Variants in TMEM132D observed in about 807,000 individuals in gnomAD.
TMEM132D encodes the protein transmembrane protein 132D.
In TMEM132D, 21 loss-of-function variants were observed where a neutral mutation model predicts 62.3. That is an observed-to-expected ratio of 0.34 (90% CI 0.24 to 0.49). TMEM132D has a LOEUF of 0.49. Ranked by LOEUF, TMEM132D falls within the 20% of genes least tolerant of loss-of-function variation. The pLI is 0.99. For synonymous variants in TMEM132D, 621 were observed against 575.6 expected, an observed-to-expected ratio of 1.08 and a Z score of -1.13; for missense variants, 1,346 against 1,402.8, an observed-to-expected ratio of 0.96 and a Z score of 0.65.
At chr12:129,217,001 G>A (rs931157028) in intron 4 of TMEM132D, among the ~76,000 whole-genome samples, 1 of 152,182 alleles carries the variant, frequency 6.6e-6, no homozygotes, top group East Asian at 1.9e-4. Context: ...ATTTTTTGTT[G>A]TTGTTGTTGT....
chr12:129,625,323 C>T (rs75328595), intron 2 of TMEM132D, among the ~76,000 whole-genome samples: 2,473 of 152,282 alleles, frequency 0.016, 64 homozygotes, highest in African/African-American at 0.056. Flanking sequence ...AAGAAAAAGA[C>T]ACAAAACCTA....
chr12:129,608,266 C>G (rs563932176), intron 2 of TMEM132D, among the ~76,000 whole-genome samples: 2 of 152,270 alleles, frequency 1.3e-5, no homozygotes, highest in East Asian at 3.9e-4. Flanking sequence ...TATCAAAATA[C>G]CAACTTTTCT....
At chr12:129,458,376 G>T (rs976294078) in intron 3 of TMEM132D, among the ~76,000 whole-genome samples, 3 of 149,302 alleles carry the variant, frequency 2.0e-5, no homozygotes, top group Non-Finnish European at 4.4e-5. Flanking sequence ...GCTAGCATTT[G>T]CCTATATCAG....
chr12:129,870,485 C>T (rs937682364), intron 1 of TMEM132D, among the ~76,000 whole-genome samples: 1 of 152,168 alleles, frequency 6.6e-6, no homozygotes, highest in African/African-American at 2.4e-5. Context: ...AGCAGAGCTT[C>T]CTGGTGGTGA....
rs575602076 is a variant in TMEM132D at position 129,421,618 on chromosome 12, C to G, written c.1116-83801G>C. ...TAAGAAACCTGAATCAATAGATTTT[C>G]TACTAGCAGCCCTGATGTCCTAATG... On this transcript the variant is annotated intron_variant, in intron 3 of 8. Coordinates refer to ENST00000422113, the MANE Select transcript of TMEM132D (RefSeq NM_133448.3). Among the ~76,000 whole-genome samples, 89 of 152,326 alleles carry G rather than the reference C, an allele frequency of 5.8e-4. 1 individual carries two copies. The highest frequency in any genetic ancestry group is 2.0e-3 in the African/African-American group (85 of 41,582).
intron 4 of TMEM132D, among the ~76,000 whole-genome samples, chr12:129,279,498 A>G (rs763428659): frequency 9.9e-5 from 15 of 152,196 alleles, no homozygotes; most frequent in Non-Finnish European, 1.6e-4. Flanking sequence ...AAGTAAAAAT[A>G]TCGCTCTTCT....
intron 5 of TMEM132D, among the ~76,000 whole-genome samples, chr12:129,166,193 C>T (rs558910438): frequency 2.6e-5 from 4 of 152,284 alleles, no homozygotes; most frequent in African/African-American, 7.2e-5. Flanking sequence ...AAATAAGTAA[C>T]GTGGGCTCTA....
intron 2 of TMEM132D, among the ~76,000 whole-genome samples, chr12:129,693,320 T>C (rs941174198): frequency 4.6e-5 from 7 of 152,190 alleles, no homozygotes; most frequent in African/African-American, 1.7e-4. Flanking sequence ...ATAAAATAAA[T>C]ATCCAGGTGT....
At chr12:129,224,741 A>G (rs138807249) in intron 4 of TMEM132D, among the ~76,000 whole-genome samples, 9,126 of 152,228 alleles carry the variant, frequency 0.06, 551 homozygotes, top group East Asian at 0.31. Context: ...CCCCATCTCT[A>G]TTAAAAATAC....
chr12:129,421,701 C>T (rs80292197), intron 3 of TMEM132D, among the ~76,000 whole-genome samples: 1,984 of 152,304 alleles, frequency 0.013, 22 homozygotes, highest in Middle Eastern at 0.034. Flanking sequence ...ATTTTTGATA[C>T]ACTGCTGGAT....
At chr12:129,442,570 C>T (rs571419373) in intron 3 of TMEM132D, among the ~76,000 whole-genome samples, 27 of 152,196 alleles carry the variant, frequency 1.8e-4, no homozygotes, top group African/African-American at 6.5e-4. Flanking sequence ...CATATGCATC[C>T]CATTCTCCTT....
intron 3 of TMEM132D, among the ~76,000 whole-genome samples, chr12:129,480,847 C>T (rs966924793): frequency 2.0e-5 from 3 of 152,100 alleles, no homozygotes; most frequent in Non-Finnish European, 2.9e-5. Context: ...TGAGATGTGT[C>T]CCAGAACAAT....
intron 5 of TMEM132D, among the ~76,000 whole-genome samples, chr12:129,135,536 T>C (rs1876532389): frequency 6.6e-6 from 1 of 152,240 alleles, no homozygotes; most frequent in Admixed American, 6.5e-5. Context: ...TAAGGTTTTA[T>C]CTGAGCATAA....
At chr12:129,119,806 T>G (rs1262342545) in intron 5 of TMEM132D, among the ~76,000 whole-genome samples, 1 of 152,080 alleles carries the variant, frequency 6.6e-6, no homozygotes, top group Non-Finnish European at 1.5e-5. Context: ...GAAAGCTTAG[T>G]CAGGGAAACA....
At position 129,642,136 on chromosome 12, in the gene TMEM132D, A is replaced by C. The variant is rs76416996; in HGVS notation, c.968+57674T>G. Among the ~76,000 whole-genome samples, 1,172 of 152,240 alleles carry C rather than the reference A, an allele frequency of 7.7e-3. 18 individuals carry two copies. The highest frequency in any genetic ancestry group is 0.052 in the East Asian group (268 of 5,132). On this transcript the variant is annotated intron_variant, in intron 2 of 8. Coordinates refer to ENST00000422113, the MANE Select transcript of TMEM132D (RefSeq NM_133448.3). ...GGATTAATTGAGGAAGTCTAACGGA[A>C]GGGGCCTCTGCTGTCAGAGGGAGAG...
intron 8 of TMEM132D, among the ~76,000 whole-genome samples, chr12:129,075,581 G>C (rs1343765810): frequency 2.0e-5 from 3 of 152,144 alleles, no homozygotes; most frequent in African/African-American, 7.2e-5. Context: ...GCAGGCTGTG[G>C]TTTTGCCAGC....
intron 2 of TMEM132D, among the ~76,000 whole-genome samples, chr12:129,570,352 A>C (rs1428185465): frequency 6.6e-6 from 1 of 152,240 alleles, no homozygotes; most frequent in Admixed American, 6.5e-5. Context: ...CCACAAGGAC[A>C]TCTACCTTCA....
At chr12:129,697,960 G>T (rs76552084) in intron 2 of TMEM132D, among the ~76,000 whole-genome samples, 2,494 of 152,156 alleles carry the variant, frequency 0.016, 41 homozygotes, top group Non-Finnish European at 0.022. Context: ...GAGAGTCAAA[G>T]CTTCAGGGGA....
At chr12:129,212,181 T>C (rs1327003730) in intron 4 of TMEM132D, 1 of 152,184 alleles carries the variant, frequency 6.6e-6, no homozygotes, top group Non-Finnish European at 1.5e-5. Flanking sequence ...CCTTTCATGT[T>C]TTTGCACATT....
Sources: gnomAD v4.1 joint callset for allele counts (sites outside exome capture counted in the v4.1 genomes callset) on GRCh38, gnomAD v4.1.1 for gene constraint, MANE v1.5 for transcripts, NCBI Gene and HGNC (gene_info 2026-07-23, HGNC 2026-07-21) for gene names.